NCKIPSD: variants seen among roughly 807,000 people sequenced by gnomAD.
NCKIPSD encodes NCK interacting protein with SH3 domain, also known as NCK-interacting protein with SH3 domain.
Under a neutral mutation model 73.4 loss-of-function variants are expected in NCKIPSD, and 48 were observed. That is an observed-to-expected ratio of 0.65 (90% confidence interval 0.52 to 0.83). The LOEUF is 0.83. NCKIPSD is among the 40% of genes least tolerant of loss of function. The pLI is 0.00. For missense variants in NCKIPSD, 884 were observed against 970.2 expected (o/e 0.91, Z 1.18); for synonymous variants, 422 against 403.6 (o/e 1.05, Z -0.54).
chr3:48,682,736 G>T, intron 2 of NCKIPSD, 167 bp downstream of exon 2: 1 of 1,148,202 alleles, frequency 8.7e-7, no homozygotes, highest in Non-Finnish European at 1.2e-6. Flanking sequence ...CACCCCTGGT[G>T]CTCACTGAAG....
rs2077432359 is a variant in NCKIPSD at position 48,685,885 on chromosome 3, G to C, written c.-78C>G. 1 of 1,295,386 alleles carries C rather than the reference G, an allele frequency of 7.7e-7. No individual in the cohort carries two copies. The highest frequency in any genetic ancestry group is 1.6e-5 in the African/African-American group (1 of 63,726). 80.2% of individuals were successfully genotyped at this position (1,295,386 alleles called of 1,614,324 possible). A position where few individuals can be genotyped will look rare whatever the true frequency, so the allele number is the denominator to read the frequency against. Reference sequence around the variant, plus strand: ...CGCCAGGCCGGGAGCGCCGAGCCGCGCCGCGGTTGTCCCGCCCCGTGACAC... The same window carrying C: ...CGCCAGGCCGGGAGCGCCGAGCCGCCCCGCGGTTGTCCCGCCCCGTGACAC... On this transcript the variant is annotated 5_prime_UTR_variant, in exon 1 of 13. Transcript: ENST00000294129.
rs777492171 is a variant in NCKIPSD, at chr3:48,681,427, C to G, written c.952G>C (p.Glu318Gln). The G allele has an allele frequency of 5.0e-6, 8 of 1,613,962 alleles. No homozygotes were observed. The highest frequency in any genetic ancestry group is 6.8e-6 in the Non-Finnish European group (8 of 1,179,968). Reference protein sequence around the residue: ...VPRTIGAELMELVRRNTGLSH... With the variant: ...VPRTIGAELMQLVRRNTGLSH... ...AGGCCAGTGTTTCTCCGCACCAGCTCCATCAGCTCGGCCCCAATGGTCCTG... is the reference window on the plus strand; with the variant it reads ...AGGCCAGTGTTTCTCCGCACCAGCTGCATCAGCTCGGCCCCAATGGTCCTG... The change falls in exon 5 of 13, where the codon GAG becomes CAG. Residue 318 changes from glutamate (E) to glutamine (Q), a missense_variant. Transcript: ENST00000294129.
intron 12 of NCKIPSD, 75 bp from the exon 13 acceptor site, chr3:48,674,822 C>T: frequency 6.7e-7 from 1 of 1,486,260 alleles, no homozygotes; most frequent in South Asian, 1.2e-5. Context: ...CAGGACCCCA[C>T]TGTCCCACAG....
In NCKIPSD at chr3:48,681,418, G is replaced by T; in HGVS notation, c.961C>A (p.Arg321=). 3.7e-6 allele frequency: 6 copies of T among 1,613,700 alleles called. No homozygotes were observed. Among genetic ancestry groups the T allele is most frequent in the Non-Finnish European group, 5.1e-6 (6 of 1,179,804 alleles). Residue 321 remains arginine, a synonymous_variant, in exon 5 of 13, where the codon CGG becomes AGG. Transcript: ENST00000294129. ...TIGAELMELV[R]RNTGLSHELC... ...TCGTGGCTCAGGCCAGTGTTTCTCC[G>T]CACCAGCTCCATCAGCTCGGCCCCA...
In NCKIPSD at chr3:48,682,798, C is replaced by G. The variant is rs940426039; in HGVS notation, c.281+105G>C. 7.5e-6 allele frequency: 11 copies of G among 1,462,798 alleles called. No individual in the cohort carries two copies. The Admixed American group carries it at 1.7e-4, about 22-fold the overall frequency. The allele number at this position is 1,462,798 out of a possible 1,614,324, so 90.6% of individuals were successfully genotyped here. On this transcript the variant is annotated intron_variant, in intron 2 of 12. Coordinates refer to ENST00000294129, the MANE Select transcript of NCKIPSD (RefSeq NM_016453.4). ...AGGTGCCATTCCCCCACCACCCTTG[C>G]CAACCCTCGCATTTCCCAGGCCCAC...
chr3:48,674,679 G>A lies in NCKIPSD; in HGVS notation c.2034C>T (p.His678=). 6.2e-7 allele frequency: 1 copy of A among 1,614,124 alleles called. No homozygotes were observed. The highest frequency in any genetic ancestry group is 8.5e-7 in the Non-Finnish European group (1 of 1,180,008). Residue 678 remains histidine, a synonymous_variant, in exon 13 of 13, where the codon CAC becomes CAT. Transcript: ENST00000294129. ...GTATGGCCTGCAGGTCGGGTAGCCG[G>A]TGGCGGTGCTGCAGGTAGGGTGTGG... ...VRTTPYLQHR[H]RLPDLQAILR...
intron 1 of NCKIPSD, among the ~76,000 whole-genome samples, chr3:48,684,464 C>T (rs529200560): frequency 4.5e-4 from 69 of 152,308 alleles, no homozygotes; most frequent in African/African-American, 1.6e-3. Context: ...CCTGGCACTC[C>T]TAGATGGGAT....
rs767790314 is a variant in NCKIPSD at position 48,678,652 on chromosome 3, G to T, written c.1877C>A (p.Ala626Asp). Residue 626 changes from alanine (A) to aspartate (D), a missense_variant, in exon 12 of 13, where the codon GCC (alanine) becomes GAC (aspartate). By Grantham distance (126) the Ala-to-Asp change is moderately radical. Coordinates refer to ENST00000294129, the MANE Select transcript of NCKIPSD (RefSeq NM_016453.4). ...TGTGTGGTAGAAGATGGCAGCTGTG[G>T]CCGGGCTGCCAAACACGTCCTGCAG... ...KFLQDVFGSP[A>D]TAAIFYHTDM... 6.2e-7 allele frequency: 1 copy of T among 1,614,104 alleles called. No homozygotes were observed. The highest frequency in any genetic ancestry group is 1.3e-5 in the African/African-American group (1 of 74,930).
chr3:48,681,888 C>A, intron 4 of NCKIPSD, 108 bp from the exon 5 acceptor site: 2 of 1,462,928 alleles, frequency 1.4e-6, no homozygotes, highest in Admixed American at 2.3e-5. Context: ...CTCTGCTAGG[C>A]ACTGCCTCCT....
At chr3:48,681,144 C>T in intron 5 of NCKIPSD, 143 bp downstream of exon 5, 3 of 1,266,230 alleles carry the variant, frequency 2.4e-6, no homozygotes, top group Non-Finnish European at 3.2e-6. Context: ...CTTCAGAAAT[C>T]AGCTCAACGT....
chr3:48,678,669 G>A lies in NCKIPSD; in HGVS notation c.1860C>T (p.Asp620=), dbSNP rs1373976304. The A allele has an allele frequency of 7.4e-6, 12 of 1,614,070 alleles. No individual in the cohort carries two copies. The highest frequency in any genetic ancestry group is 1.7e-5 in the Admixed American group (1 of 60,006). Residue 620 remains aspartate, a synonymous_variant, in exon 12 of 13, where the codon GAC becomes GAT. Coordinates refer to ENST00000294129, the MANE Select transcript of NCKIPSD (RefSeq NM_016453.4). ...CAGCTGTGGCCGGGCTGCCAAACAC[G>A]TCCTGCAGGAACTTGAGGACAGAGT... ...PPHSVLKFLQ[D]VFGSPATAAI...
At chr3:48,677,617 T>C (rs2077275315) in intron 12 of NCKIPSD, among the ~76,000 whole-genome samples, 1 of 152,146 alleles carries the variant, frequency 6.6e-6, no homozygotes, top group African/African-American at 2.4e-5. Flanking sequence ...ACACTGCTTG[T>C]CAGGCACCAC....
intron 5 of NCKIPSD, among the ~76,000 whole-genome samples, chr3:48,680,891 T>C: frequency 6.6e-6 from 1 of 152,154 alleles, no homozygotes; most frequent in Non-Finnish European, 1.5e-5. Flanking sequence ...AGCAAGGCAC[T>C]ACCCTCACCC....
chr3:48,674,753 G>A lies in NCKIPSD; in HGVS notation c.1966-6C>T, dbSNP rs1453033170. ...GAGAGGTACTCCATGCGCAGCTGTG[G>A]GAAGAGCAGGCCAGCTCAGGGACCC... On this transcript the variant is annotated splice_region_variant and splice_polypyrimidine_tract_variant and intron_variant, in intron 12 of 12. Coordinates refer to ENST00000294129, the MANE Select transcript of NCKIPSD (RefSeq NM_016453.4). The A allele has an allele frequency of 6.2e-7, 1 of 1,613,452 alleles. No homozygotes were observed. The highest frequency in any genetic ancestry group is 8.5e-7 in the Non-Finnish European group (1 of 1,179,772).
chr3:48,683,693 C>G (rs2077390581), intron 1 of NCKIPSD, among the ~76,000 whole-genome samples: 1 of 152,190 alleles, frequency 6.6e-6, no homozygotes, highest in Non-Finnish European at 1.5e-5. Flanking sequence ...TCTGTACTGC[C>G]ATCCCCAACA....
intron 1 of NCKIPSD, among the ~76,000 whole-genome samples, chr3:48,684,933 G>T (rs910947886): frequency 4.6e-5 from 7 of 152,052 alleles, no homozygotes; most frequent in African/African-American, 1.7e-4. Flanking sequence ...TGTCAGCAGG[G>T]GCATGGGTCC....
rs768400553 is a variant in NCKIPSD at position 48,680,209 on chromosome 3, G to A, written c.1113C>T (p.Pro371=). The change falls in exon 6 of 13, where the codon CCC becomes CCT. Residue 371 remains proline, a synonymous_variant. Transcript: ENST00000294129. The stretch of plus-strand genomic sequence containing the variant: ...GCTGGTCGTGGCAGACCTGCCCTGA[G>A]GGCAGGGCCATGCTGAGGTCCTAGA... ...VEGKDLSMAL[P]SGQVCHDQQR... is the part of the protein sequence containing the mutation. The A allele has an allele frequency of 1.2e-6, 2 of 1,612,748 alleles. No homozygotes were observed. The highest frequency in any genetic ancestry group is 1.7e-6 in the Non-Finnish European group (2 of 1,179,440).
At chr3:48,680,640 T>C (rs951361833) in intron 5 of NCKIPSD, among the ~76,000 whole-genome samples, 2 of 151,500 alleles carry the variant, frequency 1.3e-5, no homozygotes, top group Non-Finnish European at 1.5e-5. Context: ...GCCAAGCCCA[T>C]TGGCCCACTC....
Position 48,678,622 on chromosome 3 carries a change from A to C in NCKIPSD, c.1907T>G (p.Met636Arg). 6.2e-7 allele frequency: 1 copy of C among 1,614,176 alleles called. No individual in the cohort carries two copies. Among genetic ancestry groups the C allele is most frequent in the Non-Finnish European group, 8.5e-7 (1 of 1,180,026 alleles). ...ATAAIFYHTD[M>R]MALIDITVRH... Reference sequence around the variant, plus strand: ...CACAGTGATGTCAATGAGAGCCATCATGTCTGTGTGGTAGAAGATGGCAGC... The same window carrying C: ...CACAGTGATGTCAATGAGAGCCATCCTGTCTGTGTGGTAGAAGATGGCAGC... The change falls in exon 12 of 13, where the codon ATG becomes AGG. Residue 636 changes from methionine to arginine, a missense_variant. Met to Arg is a moderately conservative substitution (Grantham distance 91). Transcript: ENST00000294129.
Sources: allele counts gnomAD v4.1 joint callset (sites outside exome capture counted in the v4.1 genomes callset), GRCh38; gene constraint gnomAD v4.1.1; transcripts MANE v1.5; gene names NCBI Gene and HGNC (gene_info 2026-07-23, HGNC 2026-07-21).